MAGI2: variants seen among roughly 807,000 people sequenced by gnomAD.
MAGI2 encodes membrane-associated guanylate kinase, WW and PDZ domain-containing protein 2.
MAGI2 carries 35 observed loss-of-function variants against 133.3 expected under a neutral mutation model. That is an observed-to-expected ratio of 0.26 (90% CI 0.20 to 0.35). The LOEUF is 0.35. Ranked by LOEUF, MAGI2 falls within the 10% of genes least tolerant of loss-of-function variation. The pLI is 1.00. For missense variants in MAGI2, 1,636 were observed against 1,863.4 expected (o/e 0.88, Z 2.25); for synonymous variants, 729 against 710.6 (o/e 1.03, Z -0.41).
At chr7:78,768,778 A>G (rs1825281442) in intron 2 of MAGI2, among the ~76,000 whole-genome samples, 1 of 152,178 alleles carries the variant, frequency 6.6e-6, no homozygotes, top group South Asian at 2.1e-4. Context: ...TTTCTGCACA[A>G]TGCACATACT....
chr7:78,099,291 A>T (rs1817992788), intron 20 of MAGI2, among the ~76,000 whole-genome samples: 1 of 152,208 alleles, frequency 6.6e-6, no homozygotes, highest in South Asian at 2.1e-4. Context: ...TCAAATTTTT[A>T]ACCATTTGAC....
At chr7:79,063,234 T>C (rs1244646249) in intron 1 of MAGI2, among the ~76,000 whole-genome samples, 1 of 152,122 alleles carries the variant, frequency 6.6e-6, no homozygotes, top group Non-Finnish European at 1.5e-5. Context: ...AATGTGTGAC[T>C]GGGTTTATGA....
intron 1 of MAGI2, among the ~76,000 whole-genome samples, chr7:79,041,191 T>A (rs1385433414): frequency 2.6e-5 from 4 of 152,200 alleles, no homozygotes; most frequent in Admixed American, 6.5e-5. Context: ...ACAATCTTTT[T>A]CTAGTCTGGA....
At chr7:79,268,888 T>C (rs2129557037) in intron 1 of MAGI2, among the ~76,000 whole-genome samples, 1 of 152,142 alleles carries the variant, frequency 6.6e-6, no homozygotes, top group South Asian at 2.1e-4. Flanking sequence ...CAGGAGAAGG[T>C]TGTTATTAGC....
chr7:78,125,856 A>G lies in MAGI2; in HGVS notation c.3424-19T>C, dbSNP rs753119488. The G allele has an allele frequency of 6.2e-7, 1 of 1,611,792 alleles. No homozygotes were observed. Among genetic ancestry groups the G allele is most frequent in the African/African-American group, 1.3e-5 (1 of 74,784 alleles). On this transcript the variant is annotated intron_variant, in intron 19 of 21. Transcript: ENST00000354212. The stretch of plus-strand genomic sequence containing the variant: ...CAAAATCCTTTGGGGTTGGGGAGAA[A>G]ATGGAATAAATAATTATTTAGTTAT...
intron 13 of MAGI2, among the ~76,000 whole-genome samples, chr7:78,180,803 A>AT (rs1337899992): frequency 6.6e-5 from 10 of 151,688 alleles, no homozygotes; most frequent in Admixed American, 2.0e-4. Context: ...GATGTGATTT[A>AT]TTTTTTATTT....
intron 6 of MAGI2, among the ~76,000 whole-genome samples, chr7:78,400,681 C>T (rs1796777414): frequency 6.6e-6 from 1 of 152,088 alleles, no homozygotes; most frequent in Non-Finnish European, 1.5e-5. Flanking sequence ...CAAATTTAGC[C>T]TACTAATGAC....
At chr7:78,053,782 G>A (rs918308104) in intron 21 of MAGI2, among the ~76,000 whole-genome samples, 1 of 152,100 alleles carries the variant, frequency 6.6e-6, no homozygotes, top group Non-Finnish European at 1.5e-5. Context: ...TGACAAAAAC[G>A]CGAAGTGAGA....
chr7:78,805,408 G>T lies in MAGI2; in HGVS notation c.419-178169C>A, dbSNP rs375395292. Among the ~76,000 whole-genome samples the T allele has an allele frequency of 8.5e-5, 13 of 152,180 alleles. No individual in the cohort carries two copies. The East Asian group carries it at 1.5e-3, about 18-fold the overall frequency. On this transcript the variant is annotated intron_variant, in intron 2 of 21. Coordinates refer to ENST00000354212, the MANE Select transcript of MAGI2 (RefSeq NM_012301.4). ...GATTTTTAAATATACCTCAATAAAA[G>T]ATATGAGGTAGGAGAGAAGGGAAAG...
At chr7:78,707,332 GTTA>G (rs1818755242) in intron 2 of MAGI2, among the ~76,000 whole-genome samples, 1 of 152,070 alleles carries the variant, frequency 6.6e-6, no homozygotes, top group Admixed American at 6.6e-5. Flanking sequence ...TTGGTGATGT[GTTA>G]TTAACAAAAA....
intron 9 of MAGI2, among the ~76,000 whole-genome samples, chr7:78,286,525 A>G (rs1048460683): frequency 2.0e-5 from 3 of 152,258 alleles, no homozygotes; most frequent in Non-Finnish European, 2.9e-5. Context: ...GGAGGGTAAG[A>G]GATTCCAGCA....
chr7:78,525,908 T>C (rs1796910119), intron 3 of MAGI2, among the ~76,000 whole-genome samples: 1 of 152,220 alleles, frequency 6.6e-6, no homozygotes, highest in African/African-American at 2.4e-5. Context: ...AGAGTAACTC[T>C]TTCCCCACAG....
At chr7:78,741,350 T>C (rs1822400302) in intron 2 of MAGI2, among the ~76,000 whole-genome samples, 1 of 146,432 alleles carries the variant, frequency 6.8e-6, no homozygotes, top group Non-Finnish European at 1.5e-5. Context: ...GAGGCCTGTT[T>C]TGGAGGAATA....
At chr7:78,954,082 A>G (rs901464751) in intron 2 of MAGI2, among the ~76,000 whole-genome samples, 2 of 152,066 alleles carry the variant, frequency 1.3e-5, no homozygotes, top group Non-Finnish European at 2.9e-5. Context: ...TTTTCATTTC[A>G]GTTTAAGGTT....
At chr7:78,980,197 T>C (rs1330810996) in intron 2 of MAGI2, among the ~76,000 whole-genome samples, 1 of 151,872 alleles carries the variant, frequency 6.6e-6, no homozygotes, top group African/African-American at 2.4e-5. Context: ...TAAAATGAGA[T>C]AATGATTATA....
intron 3 of MAGI2, chr7:78,614,743 T>C (rs1188370261): frequency 6.6e-6 from 1 of 152,138 alleles, no homozygotes; most frequent in East Asian, 1.9e-4. Context: ...AAATAGAAGG[T>C]AGTTAAAATA....
intron 2 of MAGI2, among the ~76,000 whole-genome samples, chr7:78,656,439 G>C (rs1225991911): frequency 2.0e-5 from 3 of 152,096 alleles, no homozygotes; most frequent in Non-Finnish European, 4.4e-5. Flanking sequence ...GCCACACACA[G>C]AAAGAAAATT....
Position 78,510,444 on chromosome 7 carries a change from C to A in MAGI2, c.755-8657G>T, listed in dbSNP as rs563612672. 1.2e-4 allele frequency among the ~76,000 whole-genome samples: 19 copies of A among 152,110 alleles called. 1 individual carries two copies. The highest frequency in any genetic ancestry group is 3.9e-4 in the Admixed American group (6 of 15,284). On this transcript the variant is annotated intron_variant, in intron 4 of 21. Coordinates refer to ENST00000354212, the MANE Select transcript of MAGI2 (RefSeq NM_012301.4). ...TGTTGTATATTATTACCACTGAATT[C>A]TATTATTTATAATACTAAATAGAGT...
intron 6 of MAGI2, among the ~76,000 whole-genome samples, chr7:78,389,782 A>G (rs978814120): frequency 6.6e-6 from 1 of 152,198 alleles, no homozygotes; most frequent in Admixed American, 6.5e-5. Context: ...TATTCTATAA[A>G]GCTAATTTCC....
Sources: allele counts gnomAD v4.1 joint callset (sites outside exome capture counted in the v4.1 genomes callset), GRCh38; gene constraint gnomAD v4.1.1; transcripts MANE v1.5; gene names NCBI Gene and HGNC (gene_info 2026-07-23, HGNC 2026-07-21).